Variants in RAD52 observed in about 807,000 individuals in gnomAD.
RAD52 encodes DNA repair protein RAD52 homolog.
In RAD52, 47 loss-of-function variants were observed where a neutral mutation model predicts 55.5. That is an observed-to-expected ratio of 0.85 (90% CI 0.67 to 1.08). The LOEUF (loss-of-function observed/expected upper bound fraction) is 1.08, where lower values mean the gene tolerates loss of function less well. RAD52 is among the 50% of genes least tolerant of loss of function. RAD52 has a pLI of 0.00. For synonymous variants in RAD52, 184 were observed against 198.9 expected (o/e 0.92, Z 0.63); for missense variants, 468 against 522.8 (o/e 0.90, Z 1.02).
rs79367073 is a variant in RAD52, at chr12:963,194, G to A, written c.-19+26615C>T. On this transcript the variant is annotated intron_variant, in intron 1 of 11. Transcript: ENST00000430095. ...CATGTGAAAAGTATGGGTGGTTTTC[G>A]TTTTGCATAGAGTGTTCTATAGCTT... Among the ~76,000 whole-genome samples the A allele has an allele frequency of 1.9e-3, 293 of 152,092 alleles. 7 individuals are homozygous for A. In the East Asian group the frequency reaches 0.051, roughly 26 times the overall value.
upstream of RAD52, among the ~76,000 whole-genome samples, chr12:950,855 T>C (rs1227621056): frequency 6.6e-6 from 1 of 152,172 alleles, no homozygotes; most frequent in African/African-American, 2.4e-5. Context: ...ACTGTTAACT[T>C]TGTACCCTGA....
intron 1 of RAD52, chr12:976,115 C>T (rs1225991772): frequency 6.6e-6 from 1 of 152,128 alleles, no homozygotes. Context: ...GTCAGGAGTT[C>T]GAGACCAGCC....
intron 7 of RAD52, among the ~76,000 whole-genome samples, chr12:921,531 G>C (rs573713087): frequency 6.6e-6 from 1 of 151,948 alleles, no homozygotes; most frequent in East Asian, 2.0e-4. Context: ...AGGATCATTT[G>C]AGTCTGGGAT....
Position 923,873 on chromosome 12 carries a change from C to T in RAD52, c.543+1577G>A, listed in dbSNP as rs1003006427. Among the ~76,000 whole-genome samples the T allele has an allele frequency of 2.0e-5, 3 of 148,222 alleles. No homozygotes were observed. The East Asian group carries it at 6.2e-4, about 30-fold the overall frequency. On this transcript the variant is annotated intron_variant, in intron 7 of 11. Transcript: ENST00000358495. ...AGGAGTTCAAGACCAGCCTGGCCAA[C>T]AGGACGAAACCCCATCTACTAAAAA...
chr12:940,921 TAACTCACATACAATTGAAGTGAAATTG>T (rs1215526140), intron 1 of RAD52, among the ~76,000 whole-genome samples: 2 of 151,990 alleles, frequency 1.3e-5, no homozygotes, highest in East Asian at 1.9e-4. Flanking sequence ...TCAAAATGTC[TAACTCACATACAATTGAAGTGAAATTG>T]AACTCACATA....
intron 1 of RAD52, among the ~76,000 whole-genome samples, chr12:973,782 CTTTT>C (rs750425355): frequency 1.1e-4 from 12 of 113,480 alleles, no homozygotes; most frequent in African/African-American, 4.1e-4. Context: ...CCCAGTCCTT[CTTTT>C]TTTTTTTTTT....
At chr12:979,532 A>G (rs1958981917) in intron 1 of RAD52, among the ~76,000 whole-genome samples, 2 of 152,046 alleles carry the variant, frequency 1.3e-5, no homozygotes, top group Non-Finnish European at 2.9e-5. Flanking sequence ...ACCAGACCAC[A>G]TGTGCCGTCT....
intron 6 of RAD52, among the ~76,000 whole-genome samples, chr12:925,814 A>C (rs1957001654): frequency 6.6e-6 from 1 of 151,390 alleles, no homozygotes; most frequent in African/African-American, 2.4e-5. Flanking sequence ...ACCTCCTGAC[A>C]TGGAGAACAA....
intron 1 of RAD52, among the ~76,000 whole-genome samples, chr12:958,415 C>T (rs1222863602): frequency 1.8e-4 from 27 of 152,176 alleles, no homozygotes; most frequent in East Asian, 3.9e-4. Context: ...GGGGTTTCAC[C>T]ATGTTGGCCA....
intron 1 of RAD52, among the ~76,000 whole-genome samples, chr12:971,781 G>T (rs909902178): frequency 5.3e-5 from 8 of 151,260 alleles, no homozygotes; most frequent in Middle Eastern, 3.2e-3. Flanking sequence ...ACGGAGTCTC[G>T]CTGTCGCCCA....
At chr12:933,208 C>T (rs1957432618) in intron 1 of RAD52, 132 bp from the exon 2 acceptor site, 1 of 611,402 alleles carries the variant, frequency 1.6e-6, no homozygotes, top group African/African-American at 1.9e-5. Flanking sequence ...CCTGTAATCC[C>T]AGCACTTTGG....
intron 9 of RAD52, chr12:916,058 A>G: frequency 1.3e-6 from 1 of 788,138 alleles, no homozygotes; most frequent in South Asian, 2.8e-5. Context: ...TTCGAAGCAA[A>G]AAAAAGTTCT....
chr12:965,834 G>GGTGCC (rs1958755029), intron 1 of RAD52, among the ~76,000 whole-genome samples: 1 of 151,842 alleles, frequency 6.6e-6, no homozygotes, highest in Non-Finnish European at 1.5e-5. Flanking sequence ...TTACACATAT[G>GGTGCC]CACCACCACA....
chr12:921,889 T>G (rs1457062561), intron 7 of RAD52, among the ~76,000 whole-genome samples: 4 of 151,880 alleles, frequency 2.6e-5, no homozygotes, highest in Non-Finnish European at 4.4e-5. Context: ...GCGGATCACC[T>G]GAGGTCAGGA....
intron 3 of RAD52, 105 bp downstream of exon 3, chr12:931,115 T>G (rs549925961): frequency 1.0e-5 from 9 of 889,068 alleles, no homozygotes; most frequent in African/African-American, 1.7e-5. Flanking sequence ...CCAGGAACAG[T>G]TAACAGCAGA....
chr12:915,545 G>A (rs1176812607), intron 9 of RAD52, among the ~76,000 whole-genome samples: 1 of 152,188 alleles, frequency 6.6e-6, no homozygotes, highest in African/African-American at 2.4e-5. Flanking sequence ...GGAGAGAACA[G>A]GTGGGGAGAC....
chr12:983,007 G>A (rs1465011174), intron 1 of RAD52, among the ~76,000 whole-genome samples: 1 of 151,950 alleles, frequency 6.6e-6, no homozygotes, highest in Non-Finnish European at 1.5e-5. Context: ...GTGCCACCAG[G>A]CCTGGCTAAT....
At chr12:933,436 G>A (rs539129119) in intron 1 of RAD52, among the ~76,000 whole-genome samples, 9 of 146,916 alleles carry the variant, frequency 6.1e-5, no homozygotes, top group Non-Finnish European at 1.2e-4. Context: ...CAGCCTGGGC[G>A]ACAGAGCGAG....
intron 1 of RAD52, among the ~76,000 whole-genome samples, chr12:970,529 C>T (rs538185819): frequency 6.6e-6 from 1 of 152,110 alleles, no homozygotes; most frequent in Admixed American, 6.6e-5. Flanking sequence ...CAAAAGACTT[C>T]CTAAGATTCT....
Sources: gnomAD v4.1 joint callset for allele counts (sites outside exome capture counted in the v4.1 genomes callset) on GRCh38, gnomAD v4.1.1 for gene constraint, MANE v1.5 for transcripts, NCBI Gene and HGNC (gene_info 2026-07-23, HGNC 2026-07-21) for gene names.